NRG3: variants seen among roughly 807,000 people sequenced by gnomAD.
NRG3 encodes the protein pro-neuregulin-3, membrane-bound isoform.
Under a neutral mutation model 66.9 loss-of-function variants are expected in NRG3, and 31 were observed. The observed-to-expected ratio is 0.46, with a 90% CI of 0.35 to 0.63. The LOEUF is 0.63. Among genes scored for constraint, NRG3 ranks in the 20% least tolerant of loss-of-function variants. The pLI is 0.00. For missense variants in NRG3, 910 were observed against 878.9 expected (o/e 1.04, Z -0.45); for synonymous variants, 393 against 359.4 (o/e 1.09, Z -1.06).
At chr10:82,647,419 T>G (rs917774023) in intron 2 of NRG3, among the ~76,000 whole-genome samples, 15 of 152,242 alleles carry the variant, frequency 9.9e-5, no homozygotes, top group South Asian at 4.1e-4. Flanking sequence ...GGACATTTGG[T>G]TTGGTTCCAA....
At chr10:82,091,884 T>A (rs1372274654) in intron 1 of NRG3, among the ~76,000 whole-genome samples, 1 of 152,170 alleles carries the variant, frequency 6.6e-6, no homozygotes, top group Non-Finnish European at 1.5e-5. Flanking sequence ...GATTTGCACT[T>A]TCCCAGTAGT....
At chr10:82,327,266 A>G (rs1029620545) in intron 1 of NRG3, among the ~76,000 whole-genome samples, 1 of 152,152 alleles carries the variant, frequency 6.6e-6, no homozygotes, top group Non-Finnish European at 1.5e-5. Flanking sequence ...AAAACAGGAG[A>G]AAACTACAAG....
chr10:82,337,611 C>G (rs2082455047), intron 1 of NRG3, among the ~76,000 whole-genome samples: 2 of 152,220 alleles, frequency 1.3e-5, no homozygotes, highest in African/African-American at 4.8e-5. Context: ...CATTGTATGA[C>G]TATTCCTATT....
At chr10:82,282,088 A>G (rs1266860270) in intron 1 of NRG3, among the ~76,000 whole-genome samples, 1 of 152,108 alleles carries the variant, frequency 6.6e-6, no homozygotes, top group East Asian at 1.9e-4. Context: ...AATGTAAATC[A>G]GGAGCAGGAT....
At chr10:81,938,240 A>C (rs535604872) in intron 1 of NRG3, among the ~76,000 whole-genome samples, 2 of 152,116 alleles carry the variant, frequency 1.3e-5, no homozygotes, top group South Asian at 4.1e-4. Context: ...AGAATTTTGA[A>C]ATTAAAAAAA....
At chr10:82,806,447 C>T (rs7089923) in intron 3 of NRG3, among the ~76,000 whole-genome samples, 1,747 of 152,286 alleles carry the variant, frequency 0.011, 33 homozygotes, top group African/African-American at 0.04. Context: ...TGACCTCATT[C>T]ACACATCACG....
chr10:82,575,168 T>TA (rs2045959000), intron 2 of NRG3, among the ~76,000 whole-genome samples: 1 of 151,724 alleles, frequency 6.6e-6, no homozygotes, highest in Non-Finnish European at 1.5e-5. Flanking sequence ...CAATATGTTG[T>TA]ACACAAGAAA....
intron 5 of NRG3, among the ~76,000 whole-genome samples, chr10:82,954,826 G>C (rs1322639467): frequency 6.6e-6 from 1 of 151,672 alleles, no homozygotes; most frequent in Non-Finnish European, 1.5e-5. Flanking sequence ...GTGTGTGTGT[G>C]TGTGAATTCG....
intron 2 of NRG3, among the ~76,000 whole-genome samples, chr10:82,366,609 C>G (rs183417331): frequency 0.011 from 1,748 of 152,088 alleles, 21 homozygotes; most frequent in Non-Finnish European, 0.016. Context: ...ATAATTGTGT[C>G]AATAACATGA....
At chr10:82,915,521 T>C (rs1254194888) in intron 4 of NRG3, among the ~76,000 whole-genome samples, 2 of 152,194 alleles carry the variant, frequency 1.3e-5, no homozygotes, top group African/African-American at 4.8e-5. Context: ...ACAATATTCC[T>C]GGCACACAGT....
chr10:82,553,178 T>C (rs953492145), intron 2 of NRG3, among the ~76,000 whole-genome samples: 2 of 152,176 alleles, frequency 1.3e-5, no homozygotes, highest in South Asian at 2.1e-4. Context: ...TGGAATTGTA[T>C]GCAGGTTATT....
intron 7 of NRG3, 90 bp downstream of exon 7, chr10:82,974,005 G>T: frequency 6.9e-7 from 1 of 1,439,646 alleles, no homozygotes; most frequent in South Asian, 1.2e-5. Flanking sequence ...CATGACTTAG[G>T]AGAGACAACT....
chr10:82,581,541 A>G (rs1315879443), intron 2 of NRG3, among the ~76,000 whole-genome samples: 2 of 152,094 alleles, frequency 1.3e-5, no homozygotes. Context: ...GATAGAAAGT[A>G]GAATGATAGT....
At chr10:82,415,917 ATT>A (rs1415480854) in intron 2 of NRG3, among the ~76,000 whole-genome samples, 1 of 152,156 alleles carries the variant, frequency 6.6e-6, no homozygotes, top group East Asian at 1.9e-4. Flanking sequence ...CTTTTCACTC[ATT>A]TTTGGCATAC....
chr10:82,642,851 G>C (rs2050675769), intron 2 of NRG3, among the ~76,000 whole-genome samples: 1 of 151,728 alleles, frequency 6.6e-6, no homozygotes, highest in Non-Finnish European at 1.5e-5. Context: ...TTCACCTTTA[G>C]GTGAAATAAT....
intron 1 of NRG3, among the ~76,000 whole-genome samples, chr10:82,073,715 C>A (rs530945207): frequency 6.6e-6 from 1 of 152,188 alleles, no homozygotes; most frequent in Admixed American, 6.5e-5. Context: ...TCATTTTTTA[C>A]TATTACTTAG....
intron 2 of NRG3, among the ~76,000 whole-genome samples, chr10:82,655,515 G>A (rs1304882443): frequency 6.6e-6 from 1 of 152,056 alleles, no homozygotes; most frequent in Non-Finnish European, 1.5e-5. Flanking sequence ...AGTTGTTCAC[G>A]GGATTGGAAG....
Position 82,706,387 on chromosome 10 carries a change from C to A in NRG3, c.954-32190C>A, listed in dbSNP as rs577474155. On this transcript the variant is annotated intron_variant, in intron 2 of 8. Coordinates refer to ENST00000372141, the MANE Select transcript of NRG3 (RefSeq NM_001010848.4). ...TTCCATGCCCTCCTTGGTTAAGTCT[C>A]CAGATGGAGTAATTATTTACAAATG... Among the ~76,000 whole-genome samples, 12 of 152,246 alleles carry A rather than the reference C, an allele frequency of 7.9e-5. No individual in the cohort carries two copies. The East Asian group carries it at 2.3e-3, about 29-fold the overall frequency.
intron 2 of NRG3, among the ~76,000 whole-genome samples, chr10:82,413,697 A>G (rs2088303648): frequency 6.6e-6 from 1 of 152,100 alleles, no homozygotes; most frequent in Non-Finnish European, 1.5e-5. Context: ...TATTGTAGCC[A>G]CCTTCATCAA....
Sources: gnomAD v4.1 joint callset for allele counts (sites outside exome capture counted in the v4.1 genomes callset) on GRCh38, gnomAD v4.1.1 for gene constraint, MANE v1.5 for transcripts, NCBI Gene and HGNC (gene_info 2026-07-23, HGNC 2026-07-21) for gene names.